PDE4D: variants seen among roughly 807,000 people sequenced by gnomAD.
PDE4D encodes 3',5'-cyclic-AMP phosphodiesterase 4D.
Under a neutral mutation model 87.4 loss-of-function variants are expected in PDE4D, and 24 were observed. The ratio of observed to expected loss-of-function variants is 0.27; its 90% CI spans 0.20 to 0.39. The LOEUF is 0.39. Among genes scored for constraint, PDE4D ranks in the 10% least tolerant of loss-of-function variants. The pLI, the probability that PDE4D is intolerant of heterozygous loss-of-function variation, is 1.00. For missense variants in PDE4D, 714 were observed against 1,041.0 expected, an observed-to-expected ratio of 0.69 and a Z score of 4.32; for synonymous variants, 384 against 383.2, an observed-to-expected ratio of 1.00 and a Z score of -0.02.
At chr5:58,976,811 G>A (rs556383519) in intron 12 of PDE4D, among the ~76,000 whole-genome samples, 1 of 152,224 alleles carries the variant, frequency 6.6e-6, no homozygotes, top group African/African-American at 2.4e-5. Flanking sequence ...TGAATAAGAT[G>A]CATAGAAAAA....
chr5:59,702,869 C>CAAAAAAAAA (rs71604798), intron 1 of PDE4D, among the ~76,000 whole-genome samples: 2 of 69,818 alleles, frequency 2.9e-5, no homozygotes, highest in Admixed American at 3.6e-4. Flanking sequence ...GACCCTGTCT[C>CAAAAAAAAA]AAAAAAAAAA....
At chr5:60,510,750 T>A (rs753199093) in intron 1 of PDE4D, among the ~76,000 whole-genome samples, 1 of 152,148 alleles carries the variant, frequency 6.6e-6, no homozygotes, top group Non-Finnish European at 1.5e-5. Context: ...GAAAGATAAT[T>A]TCTGGAAAAA....
intron 5 of PDE4D, among the ~76,000 whole-genome samples, chr5:59,156,343 G>A (rs1323813476): frequency 0.06 from 4,897 of 81,988 alleles, 228 homozygotes; most frequent in African/African-American, 0.1. Flanking sequence ...GTGTGTGTGT[G>A]TGTGTGTGTG....
chr5:59,440,197 A>G (rs1291640936), intron 1 of PDE4D, among the ~76,000 whole-genome samples: 1 of 152,244 alleles, frequency 6.6e-6, no homozygotes, highest in Non-Finnish European at 1.5e-5. Flanking sequence ...TTCATATTAA[A>G]TTTGATGAAT....
chr5:60,321,836 A>G (rs147084120), intron 1 of PDE4D, among the ~76,000 whole-genome samples: 3,716 of 152,268 alleles, frequency 0.024, 150 homozygotes, highest in African/African-American at 0.085. Flanking sequence ...CAAAACCACA[A>G]TAAGATACTA....
chr5:60,163,495 C>T (rs1316601984), intron 2 of PDE4D, among the ~76,000 whole-genome samples: 1 of 152,130 alleles, frequency 6.6e-6, no homozygotes, highest in Non-Finnish European at 1.5e-5. Flanking sequence ...AATGCAGAGG[C>T]ACATGTGTGT....
chr5:60,077,700 T>G (rs565161239), intron 2 of PDE4D, among the ~76,000 whole-genome samples: 1 of 152,310 alleles, frequency 6.6e-6, no homozygotes, highest in East Asian at 1.9e-4. Flanking sequence ...CATGCTCCAC[T>G]ATAGGTGCTC....
At chr5:59,972,351 C>G (rs3952631) in intron 3 of PDE4D, among the ~76,000 whole-genome samples, 54,305 of 152,012 alleles carry the variant, frequency 0.36, 11,348 homozygotes, top group East Asian at 0.73. Flanking sequence ...CCTCTCTTGA[C>G]TTCTCATCCC....
chr5:59,520,991 G>A (rs748094671), intron 1 of PDE4D, among the ~76,000 whole-genome samples: 16 of 151,628 alleles, frequency 1.1e-4, no homozygotes, highest in Non-Finnish European at 1.8e-4. Flanking sequence ...GAATAGAAAC[G>A]TTCCTATAGA....
intron 1 of PDE4D, among the ~76,000 whole-genome samples, chr5:60,314,346 T>C (rs1755337895): frequency 6.6e-6 from 1 of 151,990 alleles, no homozygotes; most frequent in South Asian, 2.1e-4. Context: ...TTTTGTATTT[T>C]AGTAGAGACG....
At chr5:60,451,778 G>C (rs368049784) in intron 1 of PDE4D, among the ~76,000 whole-genome samples, 1 of 152,018 alleles carries the variant, frequency 6.6e-6, no homozygotes, top group African/African-American at 2.4e-5. Flanking sequence ...GAGACAAAAG[G>C]GGGAAACTGG....
chr5:60,346,597 G>A (rs1017462639), intron 1 of PDE4D, among the ~76,000 whole-genome samples: 3 of 152,088 alleles, frequency 2.0e-5, no homozygotes, highest in Non-Finnish European at 4.4e-5. Context: ...GACTCATGGT[G>A]AGATATTAAG....
intron 1 of PDE4D, among the ~76,000 whole-genome samples, chr5:59,523,998 A>G (rs1317517843): frequency 1.3e-5 from 2 of 152,102 alleles, no homozygotes; most frequent in Non-Finnish European, 2.9e-5. Context: ...AGTCAATTAA[A>G]CCCGTTTCCT....
intron 1 of PDE4D, among the ~76,000 whole-genome samples, chr5:60,195,372 A>G (rs189582024): frequency 3.9e-5 from 6 of 151,908 alleles, no homozygotes; most frequent in African/African-American, 1.4e-4. Flanking sequence ...ATGTTTATAT[A>G]TACAATTACA....
At chr5:59,590,961 T>A (rs1825843814) in intron 1 of PDE4D, among the ~76,000 whole-genome samples, 2 of 152,202 alleles carry the variant, frequency 1.3e-5, no homozygotes, top group Non-Finnish European at 2.9e-5. Context: ...TATAGGGTTA[T>A]GCTCATAAGA....
intron 2 of PDE4D, among the ~76,000 whole-genome samples, chr5:60,076,159 T>G (rs1053234584): frequency 7.3e-6 from 1 of 137,834 alleles, no homozygotes; most frequent in African/African-American, 2.5e-5. Flanking sequence ...TCCAATCTTT[T>G]TCGAATTTTT....
chr5:60,521,628 A>C (rs921910203), intron 1 of PDE4D: 1 of 152,198 alleles, frequency 6.6e-6, no homozygotes, highest in African/African-American at 2.4e-5. Flanking sequence ...TGAAGGAAGC[A>C]AATGAGAAAA....
At chr5:60,340,239 T>C (rs899593005) in intron 1 of PDE4D, among the ~76,000 whole-genome samples, 1 of 151,794 alleles carries the variant, frequency 6.6e-6, no homozygotes, top group Non-Finnish European at 1.5e-5. Flanking sequence ...CTGTGAATTA[T>C]CTGTCTTTTA....
At chr5:59,524,934 A>G (rs1002842461) in intron 1 of PDE4D, among the ~76,000 whole-genome samples, 3 of 152,230 alleles carry the variant, frequency 2.0e-5, no homozygotes, top group African/African-American at 7.2e-5. Flanking sequence ...CCTAGATTTC[A>G]GAGGATGTAT....
Sources: allele counts gnomAD v4.1 joint callset (sites outside exome capture counted in the v4.1 genomes callset), GRCh38; gene constraint gnomAD v4.1.1; transcripts MANE v1.5; gene names NCBI Gene and HGNC (gene_info 2026-07-23, HGNC 2026-07-21).